MLH3: variants seen among roughly 807,000 people sequenced by gnomAD.
The protein encoded by MLH3 is mutL homolog 3.
A neutral mutation model predicts 122.2 loss-of-function variants in MLH3; 82 were observed. The ratio of observed to expected loss-of-function variants is 0.67; its 90% CI spans 0.56 to 0.81. The LOEUF (loss-of-function observed/expected upper bound fraction) is 0.81, where lower values mean the gene tolerates loss of function less well. Among genes scored for constraint, MLH3 ranks in the 30% least tolerant of loss-of-function variants. The pLI, the probability that MLH3 is intolerant of heterozygous loss-of-function variation, is 0.00. For synonymous variants in MLH3, 524 were observed against 599.5 expected (o/e 0.87, Z 1.84); for missense variants, 1,539 against 1,714.5 (o/e 0.90, Z 1.81).
In MLH3 at chr14:75,033,533, C is replaced by T. The variant is rs778971284; in HGVS notation, c.3644-43G>A. 19 of 1,472,362 alleles carry T rather than the reference C, an allele frequency of 1.3e-5. No individual in the cohort carries two copies. The highest frequency in any genetic ancestry group is 4.2e-5 in the African/African-American group (3 of 72,206). The allele number at this position is 1,472,362 out of a possible 1,614,324, so 91.2% of individuals were successfully genotyped here. ...GTGAACTTTGATTCTCAGAGCAAGA[C>T]GACAACCATCATGTGTGTTGAGGAC... On this transcript the variant is annotated intron_variant, in intron 6 of 12. Coordinates refer to ENST00000355774, the MANE Select transcript of MLH3 (RefSeq NM_001040108.2).
intron 9 of MLH3, among the ~76,000 whole-genome samples, chr14:75,026,320 C>A (rs28757033): frequency 6.6e-6 from 1 of 151,994 alleles, no homozygotes; most frequent in Non-Finnish European, 1.5e-5. Context: ...GGGAAAAAAA[C>A]ACAACTTCTG....
At chr14:75,017,264 C>T (rs566903980) in intron 12 of MLH3, 63 bp from the exon 13 acceptor site, 19 of 1,554,678 alleles carry the variant, frequency 1.2e-5, no homozygotes, top group East Asian at 2.3e-5. Context: ...ACAGGCTGGG[C>T]GAGGTGACTC....
In MLH3 at chr14:75,047,615, A is replaced by G; in HGVS notation, c.2041T>C (p.Tyr681His). The G allele has an allele frequency of 6.2e-7, 1 of 1,614,076 alleles. No individual in the cohort carries two copies. Among genetic ancestry groups the G allele is most frequent in the Non-Finnish European group, 8.5e-7 (1 of 1,180,004 alleles). ...GCTGTAGGTTCATTCTCTAGCCCAT[A>G]ACTTATATTCGTTCTGCAATTTTTT... Reference protein sequence around the residue: ...NKKNCRTNISYGLENEPTATY... With the variant: ...NKKNCRTNISHGLENEPTATY... Residue 681 changes from tyrosine to histidine, a missense_variant, in exon 2 of 13, where the codon TAT (tyrosine) becomes CAT (histidine). By Grantham distance (83) the Tyr-to-His change is moderately conservative. Coordinates refer to ENST00000355774, the MANE Select transcript of MLH3 (RefSeq NM_001040108.2).
chr14:75,035,062 CAAAAAA>C (rs36096670), intron 6 of MLH3, among the ~76,000 whole-genome samples: 10 of 40,250 alleles, frequency 2.5e-4, no homozygotes, highest in African/African-American at 9.4e-4. Flanking sequence ...GACTCCATCT[CAAAAAA>C]AAAAAAAAAA....
chr14:75,019,254 A>G (rs945932428), intron 11 of MLH3: 3 of 382,106 alleles, frequency 7.9e-6, no homozygotes, highest in African/African-American at 6.2e-5. Flanking sequence ...TACTAAAAAT[A>G]CAAAAATTAG....
chr14:75,047,398 G>C lies in MLH3; in HGVS notation c.2258C>G (p.Ser753Cys), dbSNP rs1216078128. 2 of 1,613,930 alleles carry C rather than the reference G, an allele frequency of 1.2e-6. No homozygotes were observed. Among genetic ancestry groups the C allele is most frequent in the Admixed American group, 3.3e-5 (2 of 60,008 alleles). ...KKLSLSSQLG[S>C]LEKFKRQYGK... Reference sequence around the variant, plus strand: ...ATATTGCCTCTTAAACTTCTCTAAAGATCCTAGCTGTGAACTCAAGCTTAG... The same window carrying C: ...ATATTGCCTCTTAAACTTCTCTAAACATCCTAGCTGTGAACTCAAGCTTAG... Residue 753 changes from serine to cysteine, a missense_variant, in exon 2 of 13, where the codon TCT becomes TGT. Coordinates refer to ENST00000355774, the MANE Select transcript of MLH3 (RefSeq NM_001040108.2).
chr14:75,046,268 A>G, intron 2 of MLH3, 108 bp downstream of exon 2: 1 of 1,183,916 alleles, frequency 8.4e-7, no homozygotes, highest in Non-Finnish European at 1.3e-6. Flanking sequence ...GTGGTCTTCA[A>G]AATGTTCTAT....
intron 9 of MLH3, among the ~76,000 whole-genome samples, chr14:75,030,222 G>T (rs557301488): frequency 6.6e-6 from 1 of 152,186 alleles, no homozygotes; most frequent in African/African-American, 2.4e-5. Context: ...ACCTCCCCAG[G>T]CACACAAGTC....
Position 75,047,374 on chromosome 14 carries a change from T to A in MLH3, c.2282A>T (p.Tyr761Phe). ...ATCCAGAGGATTTTCAACCTTCCCA[T>A]ATTGCCTCTTAAACTTCTCTAAAGA... Reference protein sequence around the residue: ...LGSLEKFKRQYGKVENPLDTE... With the variant: ...LGSLEKFKRQFGKVENPLDTE... The change falls in exon 2 of 13, where the codon TAT (tyrosine) becomes TTT (phenylalanine). Residue 761 changes from tyrosine (Y) to phenylalanine (F), a missense_variant. Transcript: ENST00000355774. The A allele has an allele frequency of 1.9e-6, 3 of 1,614,144 alleles. No homozygotes were observed. Among genetic ancestry groups the A allele is most frequent in the Non-Finnish European group, 2.5e-6 (3 of 1,180,004 alleles).
At chr14:75,027,223 C>G (rs1051019436) in intron 9 of MLH3, among the ~76,000 whole-genome samples, 48 of 151,548 alleles carry the variant, frequency 3.2e-4, no homozygotes, top group African/African-American at 1.0e-3. Context: ...AGTATGAAGA[C>G]AAAATAAAGA....
chr14:75,051,419 T>A lies in MLH3; in HGVS notation c.-103A>T, dbSNP rs1892658507. ...AACAAATTCTCCGACACCAACCGCC[T>A]CGGACGCCGACGCGCGCACCTTGGA... On this transcript the variant is annotated 5_prime_UTR_variant, in exon 1 of 13. Transcript: ENST00000355774. 6.6e-6 allele frequency: 1 copy of A among 152,188 alleles called. No homozygotes were observed. The highest frequency in any genetic ancestry group is 1.5e-5 in the Non-Finnish European group (1 of 68,032). 9.4% of individuals were successfully genotyped at this position (152,188 alleles called of 1,614,324 possible). A position where few individuals can be genotyped will look rare whatever the true frequency, so the allele number is the denominator to read the frequency against.
At position 75,042,732 on chromosome 14, in the gene MLH3, C is replaced by A. The variant is rs190622785; in HGVS notation, c.3281-255G>T. On this transcript the variant is annotated intron_variant, in intron 2 of 12. Coordinates refer to ENST00000355774, the MANE Select transcript of MLH3 (RefSeq NM_001040108.2). ...CTAGAATAGGTCACTGTGATTCTCA[C>A]TGGGGGGCAATTTTGCACGAGGGGA... 2.4e-4 allele frequency among the ~76,000 whole-genome samples: 37 copies of A among 151,534 alleles called. No individual in the cohort carries two copies. In the Middle Eastern group the frequency reaches 0.01, roughly 43 times the overall value.
chr14:75,047,162 A>T lies in MLH3; in HGVS notation c.2494T>A (p.Phe832Ile). The change falls in exon 2 of 13, where the codon TTC (phenylalanine) becomes ATC (isoleucine). Residue 832 changes from phenylalanine to isoleucine, a missense_variant. Phe to Ile is a conservative substitution (Grantham distance 21). Transcript: ENST00000355774. ...SHILNSEKFP[F>I]SKDEDCLEQQ... ...TCTAAACAATCTTCATCCTTGGAGA[A>T]TGGAAACTTCTCTGAGTTAAGGATG... The T allele has an allele frequency of 6.2e-7, 1 of 1,614,176 alleles. No homozygotes were observed. Among genetic ancestry groups the T allele is most frequent in the African/African-American group, 1.3e-5 (1 of 75,072 alleles).
chr14:75,040,167 C>T (rs1003568317), intron 4 of MLH3, 152 bp from the exon 5 acceptor site: 12 of 542,594 alleles, frequency 2.2e-5, no homozygotes, highest in African/African-American at 3.8e-5. Flanking sequence ...TCAAAAGAAT[C>T]GGCCGGGCGT....
rs367716809 is a variant in MLH3, at chr14:75,028,472, C to G, written c.3987+2071G>C. Reference sequence around the variant, plus strand: ...TTACTGTGTCACTCAGGCTGGAGTGCAGTGCAGTGATCTTGGATCACTGCA... The same window carrying G: ...TTACTGTGTCACTCAGGCTGGAGTGGAGTGCAGTGATCTTGGATCACTGCA... On this transcript the variant is annotated intron_variant, in intron 9 of 12. Transcript: ENST00000355774. 6.8e-5 allele frequency among the ~76,000 whole-genome samples: 10 copies of G among 147,104 alleles called. No homozygotes were observed. The South Asian group carries it at 2.2e-3, about 32-fold the overall frequency.
chr14:75,028,027 AAAAAG>A (rs1261696106), intron 9 of MLH3, among the ~76,000 whole-genome samples: 10 of 152,028 alleles, frequency 6.6e-5, no homozygotes, highest in African/African-American at 2.4e-4. Flanking sequence ...GAGCAAAAAA[AAAAAG>A]AGAAATACAG....
intron 9 of MLH3, among the ~76,000 whole-genome samples, chr14:75,026,866 C>T (rs995681486): frequency 1.3e-5 from 2 of 151,974 alleles, no homozygotes; most frequent in Non-Finnish European, 2.9e-5. Context: ...TGGGAGGCCA[C>T]GGCAGGCAGA....
chr14:75,042,239 TGTTAAAC>T, intron 3 of MLH3, 133 bp downstream of exon 3: 1 of 769,174 alleles, frequency 1.3e-6, no homozygotes, highest in East Asian at 2.5e-5. Context: ...TTAGTTCCGC[TGTTAAAC>T]AGGGCCGTGG....
chr14:75,040,116 G>T, intron 4 of MLH3, 101 bp from the exon 5 acceptor site: 2 of 631,174 alleles, frequency 3.2e-6, no homozygotes, highest in Non-Finnish European at 5.8e-6. Context: ...TTTTTATTTA[G>T]CCTACTAGAG....
Sources: allele counts gnomAD v4.1 joint callset (sites outside exome capture counted in the v4.1 genomes callset), GRCh38; gene constraint gnomAD v4.1.1; transcripts MANE v1.5; gene names NCBI Gene and HGNC (gene_info 2026-07-23, HGNC 2026-07-21).